ARHGAP21: variants seen among roughly 807,000 people sequenced by gnomAD.
ARHGAP21 encodes Rho GTPase activating protein 21.
In ARHGAP21, 38 loss-of-function variants were observed where a neutral mutation model predicts 164.6. That is an observed-to-expected ratio of 0.23 (90% CI 0.18 to 0.30). The LOEUF is 0.30. Ranked by LOEUF, ARHGAP21 falls within the 10% of genes least tolerant of loss-of-function variation. The probability of loss-of-function intolerance (pLI) is 1.00; values close to 1 mark genes in which losing one functional copy is unlikely to be tolerated. For missense variants in ARHGAP21, 1,822 were observed against 2,370.7 expected (o/e 0.77, Z 4.81); for synonymous variants, 766 against 857.9 (o/e 0.89, Z 1.87).
At chr10:24,636,275 G>A (rs1396329599) in intron 4 of ARHGAP21, among the ~76,000 whole-genome samples, 1 of 152,166 alleles carries the variant, frequency 6.6e-6, no homozygotes, top group Admixed American at 6.6e-5. Flanking sequence ...GTATTGTGGG[G>A]GAAGAAGGAG....
chr10:24,604,643 TTA>T (rs1378281841), intron 11 of ARHGAP21, among the ~76,000 whole-genome samples: 1 of 152,184 alleles, frequency 6.6e-6, no homozygotes, highest in Non-Finnish European at 1.5e-5. Flanking sequence ...ACACTGGGTT[TTA>T]TGTTATTAGT....
chr10:24,641,207 A>G (rs906933452), intron 4 of ARHGAP21, among the ~76,000 whole-genome samples: 3 of 152,248 alleles, frequency 2.0e-5, no homozygotes, highest in African/African-American at 7.2e-5. Flanking sequence ...AAAAATCCAT[A>G]TGTATCATAT....
intron 24 of ARHGAP21, chr10:24,590,475 T>C: frequency 2.0e-6 from 3 of 1,535,284 alleles, no homozygotes; most frequent in Non-Finnish European, 2.6e-6. Context: ...CTCCTCCCAC[T>C]TCGCCTGTTC....
intron 2 of ARHGAP21, among the ~76,000 whole-genome samples, chr10:24,712,313 A>T (rs1318300531): frequency 2.6e-5 from 4 of 152,190 alleles, no homozygotes; most frequent in Admixed American, 6.5e-5. Flanking sequence ...AAGGCCATGT[A>T]CGGACAGGCA....
intron 17 of ARHGAP21, chr10:24,596,321 TCCG>T (rs2076577724): frequency 2.3e-6 from 1 of 432,058 alleles, no homozygotes; most frequent in African/African-American, 2.1e-5. Context: ...TGGAAACCGT[TCCG>T]CTGAATAAAG....
Position 24,670,414 on chromosome 10 carries a change from T to G in ARHGAP21, c.64-17A>C. ...TTTTGAGACCTAAAGTGAAAAGATA[T>G]TTAAAAGTTAACTACATAACACAAT... On this transcript the variant is annotated splice_polypyrimidine_tract_variant and intron_variant, in intron 2 of 25. Transcript: ENST00000396432. 6.4e-7 allele frequency: 1 copy of G among 1,560,222 alleles called. No homozygotes were observed. The highest frequency in any genetic ancestry group is 1.2e-5 in the South Asian group (1 of 82,044).
chr10:24,689,821 T>G (rs1046788928), intron 2 of ARHGAP21, among the ~76,000 whole-genome samples: 1 of 149,290 alleles, frequency 6.7e-6, no homozygotes, highest in Non-Finnish European at 1.5e-5. Context: ...TGTATATATA[T>G]GTATATATGT....
chr10:24,711,343 C>T (rs556624048), intron 2 of ARHGAP21, among the ~76,000 whole-genome samples: 13 of 151,036 alleles, frequency 8.6e-5, no homozygotes, highest in African/African-American at 2.2e-4. Flanking sequence ...AACCACTAAA[C>T]GAAAAGTTCA....
At chr10:24,723,419 C>G (rs1355564079) in intron 1 of ARHGAP21, 143 bp downstream of exon 1, 1 of 147,120 alleles carries the variant, frequency 6.8e-6, no homozygotes, top group African/African-American at 2.5e-5. Context: ...GGGCGCCCGC[C>G]GCGGGCTCCC....
At chr10:24,660,691 T>G (rs2131667489) in intron 4 of ARHGAP21, among the ~76,000 whole-genome samples, 1 of 152,320 alleles carries the variant, frequency 6.6e-6, no homozygotes. Flanking sequence ...TATCTGATTT[T>G]TTGCACCAAA....
intron 4 of ARHGAP21, among the ~76,000 whole-genome samples, chr10:24,646,157 T>C (rs1282537097): frequency 1.3e-5 from 2 of 152,232 alleles, no homozygotes; most frequent in Non-Finnish European, 2.9e-5. Flanking sequence ...TGAAAAATTA[T>C]CTGTTAAACA....
intron 4 of ARHGAP21, among the ~76,000 whole-genome samples, chr10:24,662,969 T>TG (rs1839856130): frequency 6.6e-6 from 1 of 151,686 alleles, no homozygotes; most frequent in African/African-American, 2.4e-5. Context: ...TGCGGATTTT[T>TG]TTTTTTTTTC....
intron 4 of ARHGAP21, among the ~76,000 whole-genome samples, chr10:24,656,408 C>G (rs1191860282): frequency 1.1e-5 from 1 of 93,680 alleles, no homozygotes; most frequent in African/African-American, 4.6e-5. Flanking sequence ...CAGCCCTCCG[C>G]CCGGCCAGCC....
chr10:24,640,955 A>G (rs1234556269), intron 4 of ARHGAP21, among the ~76,000 whole-genome samples: 1 of 152,178 alleles, frequency 6.6e-6, no homozygotes, highest in Non-Finnish European at 1.5e-5. Context: ...ATTTGCAGTC[A>G]TTTATGTCTT....
chr10:24,598,134 T>G, intron 14 of ARHGAP21, 125 bp from the exon 15 acceptor site: 1 of 711,174 alleles, frequency 1.4e-6, no homozygotes, highest in Non-Finnish European at 2.3e-6. Flanking sequence ...CTGTTCTCAG[T>G]GGAGCTGTTT....
rs746142063 is a variant in ARHGAP21, at chr10:24,585,297, G to A, written c.4992C>T (p.Ser1664=). Residue 1664 remains serine, a synonymous_variant, in exon 26 of 26, where the codon AGC becomes AGT. Coordinates refer to ENST00000396432, the MANE Select transcript of ARHGAP21 (RefSeq NM_020824.4). ...FRGKLQEVTK[S]SRRNSEGSEL... is the part of the protein sequence containing the mutation. ...CACTTCCTTCAGAATTTCTCCGGCT[G>A]CTCTTAGTCACTTCTTGCAGTTTTC... The A allele has an allele frequency of 1.3e-5, 21 of 1,610,092 alleles. No homozygotes were observed. The African/African-American group carries it at 2.5e-4, about 19-fold the overall frequency.
chr10:24,705,107 G>A (rs1481243855), intron 2 of ARHGAP21, among the ~76,000 whole-genome samples: 2 of 152,156 alleles, frequency 1.3e-5, no homozygotes, highest in African/African-American at 2.4e-5. Flanking sequence ...GAATGAAGAC[G>A]TCTTAAAAAG....
At chr10:24,615,385 C>T (rs1475935917) in intron 9 of ARHGAP21, among the ~76,000 whole-genome samples, 2 of 152,034 alleles carry the variant, frequency 1.3e-5, no homozygotes, top group African/African-American at 2.4e-5. Flanking sequence ...ATACAGCCAA[C>T]GTTGGGGTAA....
At chr10:24,591,600 A>C in intron 23 of ARHGAP21, 42 bp downstream of exon 23, 1 of 1,606,988 alleles carries the variant, frequency 6.2e-7, no homozygotes, top group Middle Eastern at 1.7e-4. Flanking sequence ...CTTGTGTCCC[A>C]AATGAAACTA....
Sources: gnomAD v4.1 joint callset for allele counts (sites outside exome capture counted in the v4.1 genomes callset) on GRCh38, gnomAD v4.1.1 for gene constraint, MANE v1.5 for transcripts, NCBI Gene and HGNC (gene_info 2026-07-23, HGNC 2026-07-21) for gene names.